Variants in RGP1 observed in about 807,000 individuals in gnomAD.
The protein encoded by RGP1 is RGP1 partner of RAB6A GEF complex.
Under a neutral mutation model 44.5 loss-of-function variants are expected in RGP1, and 28 were observed. The observed-to-expected ratio is 0.63, with a 90% CI of 0.47 to 0.86. The LOEUF (loss-of-function observed/expected upper bound fraction) is 0.86. Ranked by LOEUF, RGP1 falls within the 40% of genes least tolerant of loss-of-function variation. The pLI is 0.00. For synonymous variants in RGP1, 212 were observed against 196.7 expected, an observed-to-expected ratio of 1.08 and a Z score of -0.65; for missense variants, 417 against 490.7, an observed-to-expected ratio of 0.85 and a Z score of 1.42.
At chr9:35,762,130 C>T (rs1827423833), downstream of RGP1, among the ~76,000 whole-genome samples, 1 of 152,030 alleles carries the variant, frequency 6.6e-6, no homozygotes. Flanking sequence ...AAAAATTCAA[C>T]TTGATCCAAA....
At chr9:35,777,686 A>T in the RGP1 span, among the ~76,000 whole-genome samples, 1 of 152,102 alleles carries the variant, frequency 6.6e-6, no homozygotes, top group Non-Finnish European at 1.5e-5. Flanking sequence ...ATCTTGGATT[A>T]TACTTTTTGT....
chr9:35,774,209 A>G, the RGP1 span, among the ~76,000 whole-genome samples: 1 of 152,334 alleles, frequency 6.6e-6, no homozygotes, highest in East Asian at 1.9e-4. Flanking sequence ...CAGTTCTACC[A>G]CTGCTGGGTC....
In RGP1 at chr9:35,752,840, C is replaced by T. The variant is rs747018262; in HGVS notation, c.1142C>T (p.Ala381Val). Residue 381 changes from alanine (A) to valine (V), a missense_variant, in exon 9 of 9, where the codon GCC (alanine) becomes GTC (valine). By Grantham distance (64) the Ala-to-Val change is moderately conservative. Coordinates refer to ENST00000378078, the MANE Select transcript of RGP1 (RefSeq NM_001080496.3). Reference sequence around the variant, plus strand: ...AGCCCCACCCTGGCCTCATATGCTGCCCCAGGCCCCAGCACCAGCACCATA... The same window carrying T: ...AGCCCCACCCTGGCCTCATATGCTGTCCCAGGCCCCAGCACCAGCACCATA... ...PTSPTLASYA[A>V]PGPSTSTITI 1.9e-6 allele frequency: 3 copies of T among 1,613,772 alleles called. No homozygotes were observed. Among genetic ancestry groups the T allele is most frequent in the East Asian group, 4.5e-5 (2 of 44,860 alleles).
At chr9:35,790,025 C>T in the RGP1 span, 1 of 153,632 alleles carries the variant, frequency 6.5e-6, no homozygotes, top group Non-Finnish European at 1.5e-5. Flanking sequence ...TTTGGATTTG[C>T]TTGTCTCATA....
the RGP1 span, among the ~76,000 whole-genome samples, chr9:35,776,066 T>C: frequency 3.3e-5 from 5 of 152,242 alleles, no homozygotes; most frequent in African/African-American, 7.2e-5. Context: ...TCACAGATGA[T>C]AGGCAAACTT....
downstream of RGP1, among the ~76,000 whole-genome samples, chr9:35,759,548 CAG>C (rs1827398653): frequency 9.4e-6 from 1 of 106,384 alleles, no homozygotes; most frequent in South Asian, 3.5e-4. Flanking sequence ...GCCTGGGTGA[CAG>C]AGGGAGACCC....
Position 35,749,509 on chromosome 9 carries a change from C to G in RGP1, c.-20+101C>G. ...CCGCGGGGGTGCCCAGGGAGAAGAA[C>G]CCGTCGCACAGGGGCTGGGGTCTAG... On this transcript the variant is annotated intron_variant, in intron 1 of 8. Transcript: ENST00000378078. This position sits in a 1 kb window ranked among gnomAD's most constrained non-coding sequence, Gnocchi z 4.4. 1 of 672,514 alleles carries G rather than the reference C, an allele frequency of 1.5e-6. No homozygotes were observed. 41.7% of individuals were successfully genotyped at this position (672,514 alleles called of 1,614,324 possible). A position where few individuals can be genotyped will look rare whatever the true frequency, so the allele number is the denominator to read the frequency against.
In RGP1 at chr9:35,752,877, C is replaced by G. The variant is rs763493130; in HGVS notation, c.*3C>G. ...GCACCAGCACCATAACCATCTGAAA[C>G]TGGCCCACCCTGGTGCTAGTTCCTT... On this transcript the variant is annotated 3_prime_UTR_variant, in exon 9 of 9. Coordinates refer to ENST00000378078, the MANE Select transcript of RGP1 (RefSeq NM_001080496.3). 1.9e-6 allele frequency: 3 copies of G among 1,612,994 alleles called. No individual in the cohort carries two copies. Among genetic ancestry groups the G allele is most frequent in the Non-Finnish European group, 2.5e-6 (3 of 1,179,406 alleles).
At chr9:35,782,477 C>A in the RGP1 span, among the ~76,000 whole-genome samples, 1 of 152,174 alleles carries the variant, frequency 6.6e-6, no homozygotes, top group Non-Finnish European at 1.5e-5. Flanking sequence ...GACGGAGTCT[C>A]GCTCTGTTGC....
Position 35,750,002 on chromosome 9 carries a change from G to C in RGP1, c.116+131G>C, listed in dbSNP as rs566963454. On this transcript the variant is annotated intron_variant, in intron 2 of 8. Coordinates refer to ENST00000378078, the MANE Select transcript of RGP1 (RefSeq NM_001080496.3). ...TGCTCACTGTGCTGTCATTGTAGGA[G>C]AGGGCTCTTTAACAGAAGATGTGGA... The C allele has an allele frequency of 2.0e-5, 17 of 867,296 alleles. No individual in the cohort carries two copies. The South Asian group carries it at 2.5e-4, about 13-fold the overall frequency. The allele number at this position is 867,296 out of a possible 1,614,324, so 53.7% of individuals were successfully genotyped here.
At position 35,752,881 on chromosome 9, in the gene RGP1, C is replaced by G. The variant is rs1266055922; in HGVS notation, c.*7C>G. On this transcript the variant is annotated 3_prime_UTR_variant, in exon 9 of 9. Coordinates refer to ENST00000378078, the MANE Select transcript of RGP1 (RefSeq NM_001080496.3). ...CAGCACCATAACCATCTGAAACTGG[C>G]CCACCCTGGTGCTAGTTCCTTCCGG... 6.2e-7 allele frequency: 1 copy of G among 1,612,412 alleles called. No homozygotes were observed. The highest frequency in any genetic ancestry group is 8.5e-7 in the Non-Finnish European group (1 of 1,179,130).
chr9:35,750,000 G>A lies in RGP1; in HGVS notation c.116+129G>A, dbSNP rs1049333540. 14 of 867,802 alleles carry A rather than the reference G, an allele frequency of 1.6e-5. No individual in the cohort carries two copies. The African/African-American group carries it at 2.4e-4, about 15-fold the overall frequency. 53.8% of individuals were successfully genotyped at this position (867,802 alleles called of 1,614,324 possible). A position where few individuals can be genotyped will look rare whatever the true frequency, so the allele number is the denominator to read the frequency against. On this transcript the variant is annotated intron_variant, in intron 2 of 8. Transcript: ENST00000378078. This position sits in a 1 kb window ranked among gnomAD's most constrained non-coding sequence, Gnocchi z 4.4. ...CTTGCTCACTGTGCTGTCATTGTAG[G>A]AGAGGGCTCTTTAACAGAAGATGTG...
the RGP1 span, among the ~76,000 whole-genome samples, chr9:35,776,214 A>T: frequency 4.6e-5 from 7 of 151,950 alleles, no homozygotes; most frequent in East Asian, 1.4e-3. Context: ...TAGGACAATG[A>T]CGACTACTCA....
At chr9:35,778,674 A>G in the RGP1 span, among the ~76,000 whole-genome samples, 3 of 152,290 alleles carry the variant, frequency 2.0e-5, no homozygotes, top group African/African-American at 7.2e-5. Context: ...TTGCCTGCCT[A>G]CATACCCACT....
chr9:35,789,329 CT>C, the RGP1 span, among the ~76,000 whole-genome samples: 1,320 of 137,646 alleles, frequency 9.6e-3, 6 homozygotes, highest in Non-Finnish European at 0.012. Context: ...CTTCCACTTC[CT>C]TTTTTTTTTT....
chr9:35,749,501 G>A lies in RGP1; in HGVS notation c.-20+93G>A. On this transcript the variant is annotated intron_variant, in intron 1 of 8. Coordinates refer to ENST00000378078, the MANE Select transcript of RGP1 (RefSeq NM_001080496.3). The surrounding 1 kb of genome is among the most constrained non-coding windows in gnomAD (Gnocchi z 4.4). The stretch of plus-strand genomic sequence containing the variant: ...TGGGAACTCCGCGGGGGTGCCCAGG[G>A]AGAAGAACCCGTCGCACAGGGGCTG... The A allele has an allele frequency of 4.5e-6, 3 of 668,900 alleles. No individual in the cohort carries two copies. Among genetic ancestry groups the A allele is most frequent in the Non-Finnish European group, 8.5e-6 (3 of 352,634 alleles). 41.4% of individuals were successfully genotyped at this position (668,900 alleles called of 1,614,324 possible).
At position 35,755,510 on chromosome 9, in the gene RGP1, C is replaced by G. The variant is rs1033771249; in HGVS notation, c.*2636C>G. The G allele has an allele frequency of 6.6e-6, 1 of 152,268 alleles. No individual in the cohort carries two copies. Among genetic ancestry groups the G allele is most frequent in the Non-Finnish European group, 1.5e-5 (1 of 68,090 alleles). 9.4% of individuals were successfully genotyped at this position (152,268 alleles called of 1,614,324 possible). A position where few individuals can be genotyped will look rare whatever the true frequency, so the allele number is the denominator to read the frequency against. ...TACCAGGGACCGGTTTTGTGGAAAACAATTTTTCCACCAGTGGATGGAGGG... is the reference window on the plus strand; with the variant it reads ...TACCAGGGACCGGTTTTGTGGAAAAGAATTTTTCCACCAGTGGATGGAGGG... On this transcript the variant is annotated 3_prime_UTR_variant, in exon 9 of 9. Coordinates refer to ENST00000378078, the MANE Select transcript of RGP1 (RefSeq NM_001080496.3).
At chr9:35,782,078 C>T in the RGP1 span, among the ~76,000 whole-genome samples, 10 of 149,636 alleles carry the variant, frequency 6.7e-5, 1 homozygote, top group Middle Eastern at 0.027. Flanking sequence ...CCTCCCCCTC[C>T]CGGGTTCCAG....
At chr9:35,765,937 C>G in the RGP1 span, among the ~76,000 whole-genome samples, 1 of 150,964 alleles carries the variant, frequency 6.6e-6, no homozygotes, top group Non-Finnish European at 1.5e-5. Context: ...TGGGTTCACG[C>G]CATTCTCCTG....
Sources: allele counts gnomAD v4.1 joint callset (sites outside exome capture counted in the v4.1 genomes callset), GRCh38; gene constraint gnomAD v4.1.1; non-coding constraint Gnocchi (gnomAD v3.1); transcripts MANE v1.5; gene names NCBI Gene and HGNC (gene_info 2026-07-23, HGNC 2026-07-21).